PCDHA13: variants seen among roughly 807,000 people sequenced by gnomAD.
The protein encoded by PCDHA13 is protocadherin alpha-13.
In PCDHA13, 54 loss-of-function variants were observed where a neutral mutation model predicts 64.8. The ratio of observed to expected loss-of-function variants is 0.83; its 90% CI spans 0.67 to 1.04. The LOEUF (loss-of-function observed/expected upper bound fraction) is 1.04, where lower values mean the gene tolerates loss of function less well. Ranked by LOEUF, PCDHA13 falls within the 50% of genes least tolerant of loss-of-function variation. The probability of loss-of-function intolerance (pLI) is 0.00; values close to 1 mark genes in which losing one functional copy is unlikely to be tolerated. For missense variants in PCDHA13, 1,248 were observed against 1,254.3 expected (o/e 0.99, Z 0.08); for synonymous variants, 587 against 564.4 (o/e 1.04, Z -0.57).
intron 1 of PCDHA13, chr5:140,927,861 C>T (rs782305822): frequency 1.2e-6 from 2 of 1,614,042 alleles, no homozygotes; most frequent in East Asian, 2.2e-5. Context: ...TAGCTAGCAC[C>T]GCTAAACTGC....
Position 140,927,620 on chromosome 5 carries a change from C to T in PCDHA13, c.2394+42958C>T, listed in dbSNP as rs2153590504. 6.2e-7 allele frequency: 1 copy of T among 1,614,196 alleles called. No homozygotes were observed. ...CGCTCCGTATACCGCACCAAGGTTC[C>T]AGAGACTGCACCCAATGGGACTGTG... is the stretch of plus-strand genomic sequence containing the variant. On this transcript the variant is annotated intron_variant, in intron 1 of 3. Coordinates refer to ENST00000289272, the MANE Select transcript of PCDHA13 (RefSeq NM_018904.3).
intron 1 of PCDHA13, among the ~76,000 whole-genome samples, chr5:140,945,123 A>G (rs1421068345): frequency 2.0e-5 from 3 of 152,190 alleles, no homozygotes; most frequent in African/African-American, 4.8e-5. Context: ...TAAAAAATCA[A>G]CTTACAAAAA....
intron 3 of PCDHA13, among the ~76,000 whole-genome samples, chr5:141,004,166 A>C (rs2098156060): frequency 6.6e-6 from 1 of 152,278 alleles, no homozygotes; most frequent in Non-Finnish European, 1.5e-5. Context: ...AGGCAAAGCC[A>C]GCCAAGTGTC....
At chr5:140,918,667 G>A (rs2078804677) in intron 1 of PCDHA13, among the ~76,000 whole-genome samples, 1 of 152,172 alleles carries the variant, frequency 6.6e-6, no homozygotes, top group African/African-American at 2.4e-5. Flanking sequence ...TTGATGGTAT[G>A]AAGAGGTGAG....
chr5:140,969,201 G>A (rs2096306183), intron 1 of PCDHA13: 2 of 1,614,110 alleles, frequency 1.2e-6, no homozygotes, highest in Non-Finnish European at 1.7e-6. Context: ...TACAATACAG[G>A]GGCCCAGACA....
chr5:140,906,962 C>T (rs1554192812), intron 1 of PCDHA13, among the ~76,000 whole-genome samples: 2 of 152,146 alleles, frequency 1.3e-5, no homozygotes, highest in South Asian at 4.1e-4. Context: ...TTAATGGAAT[C>T]GTGGTTGTGT....
chr5:141,001,946 G>A (rs1554258360), intron 3 of PCDHA13, among the ~76,000 whole-genome samples: 4 of 147,266 alleles, frequency 2.7e-5, no homozygotes, highest in African/African-American at 1.1e-4. Flanking sequence ...CGGAAATAAG[G>A]AGGAGGGAGA....
At position 140,927,438 on chromosome 5, in the gene PCDHA13, C is replaced by A. The variant is rs1446762816; in HGVS notation, c.2394+42776C>A. ...GATCGCGGGTTGACGGCAGCGAATACCCGGAGTTGGTGTTGGAGAAAGCAC... is the reference window on the plus strand; with the variant it reads ...GATCGCGGGTTGACGGCAGCGAATAACCGGAGTTGGTGTTGGAGAAAGCAC... On this transcript the variant is annotated intron_variant, in intron 1 of 3. Coordinates refer to ENST00000289272, the MANE Select transcript of PCDHA13 (RefSeq NM_018904.3). 3 of 1,614,032 alleles carry A rather than the reference C, an allele frequency of 1.9e-6. No individual in the cohort carries two copies. The Admixed American group carries it at 5.0e-5, about 27-fold the overall frequency.
Position 140,884,599 on chromosome 5 carries a change from T to C in PCDHA13, c.2331T>C (p.Pro777=), listed in dbSNP as rs1490825306. 3 of 1,614,042 alleles carry C rather than the reference T, an allele frequency of 1.9e-6. No homozygotes were observed. In the East Asian group the frequency reaches 6.7e-5, roughly 36 times the overall value. ...TDLMAFSPSL[P]PCLGSAEGTG... is the part of the protein sequence containing the mutation. ...TCATGGCCTTCAGTCCCAGCCTTCC[T>C]CCTTGTCTGGGTTCTGCAGAGGGAA... Residue 777 remains proline, a synonymous_variant, in exon 1 of 4, where the codon CCT becomes CCC. Transcript: ENST00000289272.
chr5:141,007,671 A>G (rs1161141271), intron 3 of PCDHA13, among the ~76,000 whole-genome samples: 1 of 152,184 alleles, frequency 6.6e-6, no homozygotes, highest in African/African-American at 2.4e-5. Context: ...TTACAAAGAC[A>G]AAAGTTATCC....
At chr5:140,968,365 T>C (rs1554230638) in intron 1 of PCDHA13, 1 of 1,614,112 alleles carries the variant, frequency 6.2e-7, no homozygotes, top group Non-Finnish European at 8.5e-7. Context: ...GCCTTTATGC[T>C]GTCAACTCCT....
intron 1 of PCDHA13, among the ~76,000 whole-genome samples, chr5:140,956,813 T>C (rs1306502330): frequency 6.6e-6 from 1 of 152,176 alleles, no homozygotes; most frequent in African/African-American, 2.4e-5. Context: ...TATTATTGCT[T>C]CAATTTGTAA....
In PCDHA13 at chr5:141,010,171, A is replaced by G. The variant is rs2098416277; in HGVS notation, c.*234A>G. On this transcript the variant is annotated 3_prime_UTR_variant, in exon 4 of 4. Transcript: ENST00000289272. ...CCACTCTGGCTTGTTTTCAGAACCTAAAAAGCAGACCCAAGTTTCCTTTCT... is the reference window on the plus strand; with the variant it reads ...CCACTCTGGCTTGTTTTCAGAACCTGAAAAGCAGACCCAAGTTTCCTTTCT... The G allele has an allele frequency of 3.2e-6, 5 of 1,559,030 alleles. No individual in the cohort carries two copies. Among genetic ancestry groups the G allele is most frequent in the Non-Finnish European group, 4.3e-6 (5 of 1,150,704 alleles).
chr5:140,884,394 G>A lies in PCDHA13; in HGVS notation c.2126G>A (p.Ser709Asn), dbSNP rs2060142596. 6 of 1,613,880 alleles carry A rather than the reference G, an allele frequency of 3.7e-6. No homozygotes were observed. The highest frequency in any genetic ancestry group is 2.2e-5 in the East Asian group (1 of 44,886). The change falls in exon 1 of 4, where the codon AGC becomes AAC. Residue 709 changes from serine (S) to asparagine (N), a missense_variant. By Grantham distance (46) the Ser-to-Asn change is conservative. Coordinates refer to ENST00000289272, the MANE Select transcript of PCDHA13 (RefSeq NM_018904.3). ...ATCATTGCCATCTGCGCGGTGTCCA[G>A]CCTGTTGGTGCTCACGTTGCTGCTG... ...YLIIAICAVS[S>N]LLVLTLLLYT...
intron 2 of PCDHA13, among the ~76,000 whole-genome samples, chr5:140,981,989 A>G (rs1343187322): frequency 2.0e-5 from 3 of 152,236 alleles, no homozygotes; most frequent in African/African-American, 4.8e-5. Flanking sequence ...AAAATAGAAA[A>G]TAAGGTTAAG....
intron 3 of PCDHA13, among the ~76,000 whole-genome samples, chr5:140,987,372 A>G (rs1357478474): frequency 6.6e-6 from 1 of 152,204 alleles, no homozygotes; most frequent in Non-Finnish European, 1.5e-5. Flanking sequence ...ATATCATTAC[A>G]GGGTCAGAAT....
intron 1 of PCDHA13, among the ~76,000 whole-genome samples, chr5:140,930,655 C>T (rs1554207993): frequency 6.6e-6 from 1 of 152,110 alleles, no homozygotes; most frequent in Non-Finnish European, 1.5e-5. Context: ...TGAAGCATTC[C>T]TTGTTTTACT....
intron 1 of PCDHA13, among the ~76,000 whole-genome samples, chr5:140,915,245 C>T (rs1366061257): frequency 2.0e-5 from 3 of 152,088 alleles, no homozygotes; most frequent in Non-Finnish European, 4.4e-5. Flanking sequence ...CCATGCCTGG[C>T]CAGGTTGTTA....
intron 1 of PCDHA13, chr5:140,929,822 A>G (rs1554207413): frequency 1.9e-5 from 3 of 157,286 alleles, no homozygotes; most frequent in African/African-American, 2.4e-5. Flanking sequence ...GAAAGGGAAC[A>G]TAAGAGAACA....
Sources: allele counts gnomAD v4.1 joint callset (sites outside exome capture counted in the v4.1 genomes callset), GRCh38; gene constraint gnomAD v4.1.1; transcripts MANE v1.5; gene names NCBI Gene and HGNC (gene_info 2026-07-23, HGNC 2026-07-21).